The following LRMDA variants were observed in gnomAD, a reference collection of about 807,000 sequenced individuals.
The protein encoded by LRMDA is leucine rich melanocyte differentiation associated.
LRMDA carries 18 observed loss-of-function variants against 29.8 expected under a neutral mutation model. The observed-to-expected ratio is 0.60, with a 90% CI of 0.42 to 0.90. LRMDA has a LOEUF of 0.90. LRMDA is among the 40% of genes least tolerant of loss of function. The pLI, the probability that LRMDA is intolerant of heterozygous loss-of-function variation, is 0.00. For synonymous variants in LRMDA, 125 were observed against 109.4 expected, an observed-to-expected ratio of 1.14 and a Z score of -0.89; for missense variants, 273 against 273.9, an observed-to-expected ratio of 1.00 and a Z score of 0.02.
intron 5 of LRMDA, among the ~76,000 whole-genome samples, chr10:76,157,519 C>G (rs895220349): frequency 6.6e-6 from 1 of 151,850 alleles, no homozygotes; most frequent in African/African-American, 2.4e-5. Context: ...AGGGCTGAGG[C>G]AGGAAGATTG....
At position 76,086,976 on chromosome 10, in the gene LRMDA, G is replaced by A. The variant is rs74396043; in HGVS notation, c.516+28193G>A. 7.1e-3 allele frequency among the ~76,000 whole-genome samples: 1,081 copies of A among 152,284 alleles called. 14 individuals are homozygous for A. Among genetic ancestry groups the A allele is most frequent in the African/African-American group, 0.024 (1,014 of 41,558 alleles). ...GGGACCGGAGGCTTTGCAGAGGTGG[G>A]GAGAGACGTTCTTTGGCTTGTCCGA... is the stretch of plus-strand genomic sequence containing the variant. On this transcript the variant is annotated intron_variant, in intron 5 of 6. Transcript: ENST00000611255.
At chr10:75,797,498 TAGA>T (rs1208619751) in intron 2 of LRMDA, among the ~76,000 whole-genome samples, 3 of 152,190 alleles carry the variant, frequency 2.0e-5, no homozygotes, top group African/African-American at 7.2e-5. Context: ...AATCCAATAT[TAGA>T]AGATTTCTGT....
rs576774236 is a variant in LRMDA at position 75,781,695 on chromosome 10, AGAG to A, written c.132-254309_132-254307del. ...TGCAAACTAGTGAGCAAAGAGGAGA[AGAG>A]GAGAAGAAAGGAGGAAAAAAGAGGT... On this transcript the variant is annotated intron_variant, in intron 2 of 6. Transcript: ENST00000611255. 1.4e-4 allele frequency among the ~76,000 whole-genome samples: 22 copies of A among 152,354 alleles called. No homozygotes were observed. The South Asian group carries it at 4.6e-3, about 32-fold the overall frequency.
intron 6 of LRMDA, among the ~76,000 whole-genome samples, chr10:76,449,213 G>T (rs1322987211): frequency 6.6e-6 from 1 of 151,708 alleles, no homozygotes; most frequent in Non-Finnish European, 1.5e-5. Context: ...GTTATTCAAA[G>T]ATTTCATTCC....
intron 6 of LRMDA, among the ~76,000 whole-genome samples, chr10:76,378,523 A>G (rs1229461420): frequency 2.0e-5 from 3 of 152,010 alleles, no homozygotes; most frequent in East Asian, 3.9e-4. Flanking sequence ...AGTTTGTTGT[A>G]TATGTCTTTT....
chr10:76,351,608 T>A (rs1378585912), intron 6 of LRMDA, among the ~76,000 whole-genome samples: 1 of 151,908 alleles, frequency 6.6e-6, no homozygotes, highest in East Asian at 1.9e-4. Context: ...CAGCTACCAA[T>A]GTTATGCACC....
chr10:75,736,845 A>C (rs1481780070), intron 2 of LRMDA, among the ~76,000 whole-genome samples: 1 of 152,154 alleles, frequency 6.6e-6, no homozygotes, highest in Admixed American at 6.5e-5. Flanking sequence ...ATGAAGAAAA[A>C]CTACAAACAG....
At chr10:75,859,600 T>TACACAC (rs71024575) in intron 2 of LRMDA, among the ~76,000 whole-genome samples, 13,550 of 76,756 alleles carry the variant, frequency 0.18, 699 homozygotes, top group Admixed American at 0.25. Context: ...ATTCAGGGCA[T>TACACAC]ACACACACAC....
intron 6 of LRMDA, among the ~76,000 whole-genome samples, chr10:76,510,695 CT>C (rs1306205147): frequency 6.6e-6 from 1 of 152,186 alleles, no homozygotes; most frequent in African/African-American, 2.4e-5. Context: ...TGAAATTCTA[CT>C]GCACAAATAG....
chr10:76,442,371 G>A (rs915095910), intron 6 of LRMDA, among the ~76,000 whole-genome samples: 1 of 152,166 alleles, frequency 6.6e-6, no homozygotes, highest in African/African-American at 2.4e-5. Flanking sequence ...CAGAGGTTTA[G>A]GTTCTTAGCT....
intron 2 of LRMDA, among the ~76,000 whole-genome samples, chr10:75,665,223 C>A (rs1464333913): frequency 6.6e-6 from 1 of 152,152 alleles, no homozygotes; most frequent in Non-Finnish European, 1.5e-5. Context: ...GAATTCTGGC[C>A]TTTTAGAATT....
At chr10:75,784,233 T>C (rs1589199438) in intron 2 of LRMDA, among the ~76,000 whole-genome samples, 1 of 152,216 alleles carries the variant, frequency 6.6e-6, no homozygotes, top group South Asian at 2.1e-4. Context: ...GTAAGAGAGC[T>C]AATTGCCTCC....
At chr10:75,790,071 C>T (rs546715735) in intron 2 of LRMDA, among the ~76,000 whole-genome samples, 3 of 152,088 alleles carry the variant, frequency 2.0e-5, no homozygotes, top group South Asian at 2.1e-4. Context: ...GGAGAAGAAA[C>T]AATCACAATG....
intron 2 of LRMDA, among the ~76,000 whole-genome samples, chr10:75,513,163 C>G (rs1589165366): frequency 6.6e-6 from 1 of 152,188 alleles, no homozygotes; most frequent in Non-Finnish European, 1.5e-5. Context: ...TGCTTTGTGG[C>G]AGATGTGAAA....
chr10:76,006,393 C>T (rs951452402), intron 2 of LRMDA, among the ~76,000 whole-genome samples: 1 of 152,132 alleles, frequency 6.6e-6, no homozygotes, highest in Non-Finnish European at 1.5e-5. Context: ...TGCCTCTGTC[C>T]GGCCATGTGA....
In LRMDA at chr10:75,670,515, G is replaced by A. The variant is rs942896182; in HGVS notation, c.131+232021G>A. 6.6e-5 allele frequency among the ~76,000 whole-genome samples: 10 copies of A among 152,138 alleles called. 1 individual carries two copies. Among genetic ancestry groups the A allele is most frequent in the African/African-American group, 9.7e-5 (4 of 41,440 alleles). ...GCATGAAGAAAAGTGAAGCAGGCTC[G>A]CTAGATGAGAATGCATGTAGATGGT... On this transcript the variant is annotated intron_variant, in intron 2 of 6. Transcript: ENST00000611255.
chr10:76,422,501 A>G (rs1347411549), intron 6 of LRMDA, among the ~76,000 whole-genome samples: 1 of 151,966 alleles, frequency 6.6e-6, no homozygotes, highest in Non-Finnish European at 1.5e-5. Context: ...CATTACAAAG[A>G]CAGAAACCCA....
chr10:76,199,998 G>A (rs1465202549), intron 5 of LRMDA, among the ~76,000 whole-genome samples: 1 of 152,176 alleles, frequency 6.6e-6, no homozygotes, highest in Non-Finnish European at 1.5e-5. Context: ...GTGTCACTCT[G>A]TCACCCAGGC....
At chr10:75,691,147 TC>T (rs1842147898) in intron 2 of LRMDA, among the ~76,000 whole-genome samples, 1 of 100,036 alleles carries the variant, frequency 1.0e-5, no homozygotes, top group Admixed American at 8.8e-5. Flanking sequence ...GATCTATATA[TC>T]TATATACATA....
Sources: allele counts gnomAD v4.1 joint callset (sites outside exome capture counted in the v4.1 genomes callset), GRCh38; gene constraint gnomAD v4.1.1; transcripts MANE v1.5; gene names NCBI Gene and HGNC (gene_info 2026-07-23, HGNC 2026-07-21).